Variants in TRARG1 observed in about 807,000 individuals in gnomAD.
TRARG1 encodes the protein trafficking regulator of GLUT4 (SLC2A4) 1 (gene/pseudogene).
A neutral mutation model predicts 13.3 loss-of-function variants in TRARG1; 16 were observed. The ratio of observed to expected loss-of-function variants is 1.20; its 90% CI spans 0.81 to 1.83. The LOEUF (loss-of-function observed/expected upper bound fraction) is 1.83, where lower values mean the gene tolerates loss of function less well. Ranked by LOEUF, TRARG1 falls within the 40% of genes most tolerant of loss-of-function variation. TRARG1 has a pLI of 0.00. For synonymous variants in TRARG1, 113 were observed against 106.2 expected (o/e 1.06, Z -0.39); for missense variants, 250 against 237.4 (o/e 1.05, Z -0.35).
chr17:1,297,383 T>C (rs543647705), intron 2 of TRARG1, among the ~76,000 whole-genome samples: 1 of 152,118 alleles, frequency 6.6e-6, no homozygotes, highest in East Asian at 1.9e-4. Flanking sequence ...CGTTCGGGTT[T>C]GGAATCAGCG....
chr17:1,288,736 C>T (rs1272099858), intron 1 of TRARG1, among the ~76,000 whole-genome samples: 3 of 63,454 alleles, frequency 4.7e-5, no homozygotes, highest in South Asian at 1.3e-3. Flanking sequence ...GGTTCCCCAT[C>T]CCCCACGGGC....
At chr17:1,298,186 G>A (rs1038200480) in intron 2 of TRARG1, 65 bp from the exon 3 acceptor site, 1 of 1,608,322 alleles carries the variant, frequency 6.2e-7, no homozygotes, top group Non-Finnish European at 8.5e-7. Context: ...AAATCCTCCA[G>A]TCAGGGACTT....
chr17:1,287,988 C>A (rs1288381407), intron 1 of TRARG1, among the ~76,000 whole-genome samples: 1 of 151,942 alleles, frequency 6.6e-6, no homozygotes, highest in Non-Finnish European at 1.5e-5. Flanking sequence ...AGTGCCCTCC[C>A]CACTCTGTCC....
Position 1,282,752 on chromosome 17 carries a change from C to A in TRARG1, c.387+2364C>A, listed in dbSNP as rs188438661. 2.1e-4 allele frequency among the ~76,000 whole-genome samples: 32 copies of A among 152,114 alleles called. No homozygotes were observed. The East Asian group carries it at 5.0e-3, about 24-fold the overall frequency. ...TCGCCCAGGCTGGAGTGCAATGGTG[C>A]GATCTTGGCTCACTGCAAACTCCGT... On this transcript the variant is annotated intron_variant, in intron 1 of 2. Transcript: ENST00000333813.
chr17:1,291,843 G>C (rs950466752), intron 1 of TRARG1, among the ~76,000 whole-genome samples: 1 of 152,190 alleles, frequency 6.6e-6, no homozygotes, highest in Non-Finnish European at 1.5e-5. Context: ...GCCCTGTGGA[G>C]GTTGATACTC....
At chr17:1,280,846 C>T (rs1215545237) in intron 1 of TRARG1, among the ~76,000 whole-genome samples, 1 of 152,192 alleles carries the variant, frequency 6.6e-6, no homozygotes, top group African/African-American at 2.4e-5. Flanking sequence ...CCAGCCTCTG[C>T]CGGCTCCGGT....
intron 1 of TRARG1, among the ~76,000 whole-genome samples, chr17:1,292,585 G>C (rs2072076860): frequency 6.6e-6 from 1 of 151,852 alleles, no homozygotes; most frequent in South Asian, 2.1e-4. Flanking sequence ...ACTGTTTTTT[G>C]AACATCTACA....
rs560723774 is a variant in TRARG1 at position 1,281,987 on chromosome 17, T to C, written c.387+1599T>C. On this transcript the variant is annotated intron_variant, in intron 1 of 2. Transcript: ENST00000333813. ...ATATATGCACACGTGTACATATATGTACATATATACAGATATACACATATG... is the reference window on the plus strand; with the variant it reads ...ATATATGCACACGTGTACATATATGCACATATATACAGATATACACATATG... Among the ~76,000 whole-genome samples, 12 of 124,296 alleles carry C rather than the reference T, an allele frequency of 9.7e-5. No individual in the cohort carries two copies. In the South Asian group the frequency reaches 2.4e-3, roughly 25 times the overall value. The allele number at this position is 124,296 out of a possible 152,430, so 81.5% of individuals were successfully genotyped here.
chr17:1,298,157 C>T (rs2072125926), intron 2 of TRARG1, 94 bp from the exon 3 acceptor site: 4 of 1,519,324 alleles, frequency 2.6e-6, no homozygotes, highest in Middle Eastern at 1.7e-4. Flanking sequence ...TACCACTTCC[C>T]ACTGGGAACC....
At chr17:1,288,355 T>A (rs1324361339) in intron 1 of TRARG1, among the ~76,000 whole-genome samples, 129 of 87,730 alleles carry the variant, frequency 1.5e-3, no homozygotes, top group Non-Finnish European at 2.3e-3. Flanking sequence ...GGGTTCCCCA[T>A]CCCCCATGGG....
chr17:1,286,226 G>A (rs1366631704), intron 1 of TRARG1, among the ~76,000 whole-genome samples: 1 of 152,222 alleles, frequency 6.6e-6, no homozygotes, highest in African/African-American at 2.4e-5. Flanking sequence ...TGGGTCCAAG[G>A]TCGTTTGCTA....
At chr17:1,296,082 A>G (rs967793493) in intron 2 of TRARG1, among the ~76,000 whole-genome samples, 1 of 152,284 alleles carries the variant, frequency 6.6e-6, no homozygotes, top group Admixed American at 6.5e-5. Flanking sequence ...GGGGAACCCC[A>G]GAAGCAAGCA....
In TRARG1 at chr17:1,279,834, G is replaced by A. The variant is rs957934051; in HGVS notation, c.-168G>A. On this transcript the variant is annotated 5_prime_UTR_variant, in exon 1 of 3. Transcript: ENST00000333813. ...CAGCCTCTGAACTCAGCTGGCTTGA[G>A]AAGCTCAGCCCAACCCTTCCAGCAC... 10 of 728,186 alleles carry A rather than the reference G, an allele frequency of 1.4e-5. No homozygotes were observed. The Admixed American group carries it at 2.1e-4, about 16-fold the overall frequency. 45.1% of individuals were successfully genotyped at this position (728,186 alleles called of 1,614,324 possible). A position where few individuals can be genotyped will look rare whatever the true frequency, so the allele number is the denominator to read the frequency against.
intron 1 of TRARG1, among the ~76,000 whole-genome samples, chr17:1,291,686 A>AG (rs2072070442): frequency 6.6e-6 from 1 of 151,878 alleles, no homozygotes; most frequent in Non-Finnish European, 1.5e-5. Context: ...CACGAGATAC[A>AG]CGTTCAAAGA....
intron 1 of TRARG1, among the ~76,000 whole-genome samples, chr17:1,293,445 G>A (rs2072087336): frequency 6.6e-6 from 1 of 151,952 alleles, no homozygotes; most frequent in Non-Finnish European, 1.5e-5. Flanking sequence ...AGTTGAGTTT[G>A]ATGATGTCGT....
At chr17:1,294,692 T>TTC (rs755104321) in intron 1 of TRARG1, among the ~76,000 whole-genome samples, 1 of 22,918 alleles carries the variant, frequency 4.4e-5, no homozygotes, top group Non-Finnish European at 8.1e-5. Flanking sequence ...TCTCAAACTC[T>TTC]TTTTTTTTTT....
intron 1 of TRARG1, among the ~76,000 whole-genome samples, chr17:1,282,062 G>GTATACACATA (rs71148454): frequency 0.65 from 94,631 of 145,302 alleles, 30,788 homozygotes; most frequent in East Asian, 0.83. Context: ...ATATGTACAT[G>GTATACACATA]TATACACATA....
chr17:1,280,466 C>T lies in TRARG1; in HGVS notation c.387+78C>T, dbSNP rs946736534. The T allele has an allele frequency of 6.9e-5, 97 of 1,406,816 alleles. 1 individual carries two copies. In the Middle Eastern group the frequency reaches 2.4e-3, roughly 35 times the overall value. 87.1% of individuals were successfully genotyped at this position (1,406,816 alleles called of 1,614,324 possible). On this transcript the variant is annotated intron_variant, in intron 1 of 2. Coordinates refer to ENST00000333813, the MANE Select transcript of TRARG1 (RefSeq NM_172367.3). ...GTGTTTCCCCCAGGCAGGCACCAAACACTGCCCAGGGTGTGGAGAAGAGAG... is the reference window on the plus strand; with the variant it reads ...GTGTTTCCCCCAGGCAGGCACCAAATACTGCCCAGGGTGTGGAGAAGAGAG...
Position 1,288,451 on chromosome 17 carries a change from C to T in TRARG1, c.388-7040C>T, listed in dbSNP as rs1292962245. ...ATCCCCCACTGGGTTCCCCATCCCC[C>T]ACGGGTTCCTCATCCCCCACGGGTT... On this transcript the variant is annotated intron_variant, in intron 1 of 2. Transcript: ENST00000333813. 1.9e-4 allele frequency among the ~76,000 whole-genome samples: 21 copies of T among 113,080 alleles called. 1 individual carries two copies. Among genetic ancestry groups the T allele is most frequent in the African/African-American group, 7.7e-4 (21 of 27,268 alleles). The allele number at this position is 113,080 out of a possible 152,430, so 74.2% of individuals were successfully genotyped here.
Sources: allele counts gnomAD v4.1 joint callset (sites outside exome capture counted in the v4.1 genomes callset), GRCh38; gene constraint gnomAD v4.1.1; transcripts MANE v1.5; gene names NCBI Gene and HGNC (gene_info 2026-07-23, HGNC 2026-07-21).